Variants in ZNF644 observed in about 807,000 individuals in gnomAD.
ZNF644 encodes zinc finger motif enhancer binding protein 2.
In ZNF644, 20 loss-of-function variants were observed where a neutral mutation model predicts 108.0. The observed-to-expected ratio is 0.19, with a 90% CI of 0.13 to 0.27. The LOEUF is 0.27. Among genes scored for constraint, ZNF644 ranks in the 10% least tolerant of loss-of-function variants. ZNF644 has a pLI of 1.00. For synonymous variants in ZNF644, 542 were observed against 539.1 expected (o/e 1.01, Z -0.08); for missense variants, 1,338 against 1,548.9 (o/e 0.86, Z 2.29).
intron 1 of ZNF644, among the ~76,000 whole-genome samples, chr1:90,991,676 G>A (rs1199964802): frequency 6.6e-6 from 1 of 152,118 alleles, no homozygotes; most frequent in African/African-American, 2.4e-5. Context: ...AAGAGTGAAG[G>A]GGGGGAAGTG....
intron 2 of ZNF644, among the ~76,000 whole-genome samples, chr1:90,965,667 C>CAA (rs1464751948): frequency 1.3e-5 from 2 of 151,990 alleles, no homozygotes; most frequent in Non-Finnish European, 2.9e-5. Flanking sequence ...ATGTTATCAG[C>CAA]AAAAAAGGAC....
Position 90,916,507 on chromosome 1 carries a change from T to A in ZNF644, c.*291A>T, listed in dbSNP as rs1648776475. Reference sequence around the variant, plus strand: ...TGTCCAATAAGTCTGTCTATAAGTATCCATGTGCAACAGTTTATTAATGGC... The same window carrying A: ...TGTCCAATAAGTCTGTCTATAAGTAACCATGTGCAACAGTTTATTAATGGC... On this transcript the variant is annotated 3_prime_UTR_variant, in exon 6 of 6. Coordinates refer to ENST00000337393, the MANE Select transcript of ZNF644 (RefSeq NM_201269.3). 1 of 401,782 alleles carries A rather than the reference T, an allele frequency of 2.5e-6. No homozygotes were observed. Among genetic ancestry groups the A allele is most frequent in the Non-Finnish European group, 4.6e-6 (1 of 217,786 alleles). 24.9% of individuals were successfully genotyped at this position (401,782 alleles called of 1,614,324 possible).
At chr1:90,966,075 A>T (rs1654842607) in intron 2 of ZNF644, among the ~76,000 whole-genome samples, 1 of 151,960 alleles carries the variant, frequency 6.6e-6, no homozygotes, top group East Asian at 1.9e-4. Flanking sequence ...CAATGTACTC[A>T]TATTGGCCTT....
intron 2 of ZNF644, among the ~76,000 whole-genome samples, chr1:90,941,551 T>C (rs1570389049): frequency 6.6e-6 from 1 of 152,172 alleles, no homozygotes; most frequent in East Asian, 1.9e-4. Flanking sequence ...GTATACAAAA[T>C]GTCTAGGGAA....
chr1:90,929,397 G>C (rs2100853477), intron 4 of ZNF644, among the ~76,000 whole-genome samples: 1 of 152,252 alleles, frequency 6.6e-6, no homozygotes, highest in Admixed American at 6.5e-5. Flanking sequence ...ACCCTCCTCA[G>C]CCCAGTCTGG....
chr1:90,949,504 C>T (rs1652865944), intron 2 of ZNF644, among the ~76,000 whole-genome samples: 1 of 152,066 alleles, frequency 6.6e-6, no homozygotes, highest in Admixed American at 6.6e-5. Context: ...TATTAGTGTG[C>T]TTCTCTCTCA....
intron 2 of ZNF644, among the ~76,000 whole-genome samples, chr1:90,976,960 A>G (rs371298740): frequency 5.9e-5 from 9 of 152,286 alleles, no homozygotes; most frequent in African/African-American, 2.2e-4. Flanking sequence ...AGAGAAATCC[A>G]TCACAGAAAC....
At chr1:91,006,396 A>C (rs1659420730) in intron 1 of ZNF644, among the ~76,000 whole-genome samples, 1 of 152,112 alleles carries the variant, frequency 6.6e-6, no homozygotes, top group Non-Finnish European at 1.5e-5. Flanking sequence ...GCAACAGAGC[A>C]AGACTCTGTC....
At chr1:90,958,596 A>C (rs1169069928) in intron 2 of ZNF644, among the ~76,000 whole-genome samples, 2 of 152,188 alleles carry the variant, frequency 1.3e-5, no homozygotes, top group African/African-American at 4.8e-5. Context: ...ATAGTAATCA[A>C]TGTGGCAGTA....
At chr1:90,951,081 T>C (rs907800651) in intron 2 of ZNF644, among the ~76,000 whole-genome samples, 1 of 152,166 alleles carries the variant, frequency 6.6e-6, no homozygotes, top group Non-Finnish European at 1.5e-5. Flanking sequence ...CAGGAATTCC[T>C]ACTGCTATTA....
intron 4 of ZNF644, among the ~76,000 whole-genome samples, chr1:90,930,013 G>A (rs1443219614): frequency 6.6e-6 from 1 of 152,242 alleles, no homozygotes; most frequent in African/African-American, 2.4e-5. Flanking sequence ...TGGGCTGGGT[G>A]CAGTGGCTCA....
At chr1:90,949,879 T>A (rs1652904314) in intron 2 of ZNF644, among the ~76,000 whole-genome samples, 1 of 152,178 alleles carries the variant, frequency 6.6e-6, no homozygotes, top group Non-Finnish European at 1.5e-5. Context: ...TAAATTTGCG[T>A]GTTTTTAGCA....
chr1:90,918,363 G>A (rs1649046860), intron 4 of ZNF644: 3 of 565,108 alleles, frequency 5.3e-6, no homozygotes, highest in African/African-American at 1.9e-5. Context: ...TATCTGTACT[G>A]AAGAATACTA....
intron 4 of ZNF644, among the ~76,000 whole-genome samples, chr1:90,936,536 G>T (rs550885144): frequency 6.6e-6 from 1 of 152,172 alleles, no homozygotes; most frequent in South Asian, 2.1e-4. Flanking sequence ...CACAATGTCT[G>T]CCCCAAAGCA....
chr1:90,918,907 G>A (rs1184789932), intron 4 of ZNF644, among the ~76,000 whole-genome samples: 1 of 151,624 alleles, frequency 6.6e-6, no homozygotes, highest in East Asian at 1.9e-4. Flanking sequence ...GATGTTTAAT[G>A]CTAACTATTC....
At chr1:90,934,608 A>T (rs1651120555) in intron 4 of ZNF644, among the ~76,000 whole-genome samples, 1 of 152,248 alleles carries the variant, frequency 6.6e-6, no homozygotes, top group African/African-American at 2.4e-5. Flanking sequence ...AAATTTTCAC[A>T]GATGAGCAGT....
At chr1:90,948,887 T>G (rs1652799363) in intron 2 of ZNF644, among the ~76,000 whole-genome samples, 1 of 152,216 alleles carries the variant, frequency 6.6e-6, no homozygotes, top group Non-Finnish European at 1.5e-5. Flanking sequence ...GGTTCACAGA[T>G]TTTATTTAAT....
intron 1 of ZNF644, among the ~76,000 whole-genome samples, chr1:90,993,849 G>A (rs1470702258): frequency 6.6e-6 from 1 of 152,094 alleles, no homozygotes; most frequent in African/African-American, 2.4e-5. Context: ...AATTTTTCAG[G>A]ACACTCCAAA....
chr1:90,941,333 T>C lies in ZNF644; in HGVS notation c.45-24A>G, dbSNP rs1158512088. The C allele has an allele frequency of 3.8e-6, 6 of 1,586,322 alleles. No individual in the cohort carries two copies. The African/African-American group carries it at 5.5e-5, about 14-fold the overall frequency. On this transcript the variant is annotated intron_variant, in intron 2 of 5. Coordinates refer to ENST00000337393, the MANE Select transcript of ZNF644 (RefSeq NM_201269.3). Reference sequence around the variant, plus strand: ...GTCTAGAAAATGGAAAAAAAAAATTTAGATTTGCATGAAAGAAAAAATACT... The same window carrying C: ...GTCTAGAAAATGGAAAAAAAAAATTCAGATTTGCATGAAAGAAAAAATACT...
Sources: allele counts gnomAD v4.1 joint callset (sites outside exome capture counted in the v4.1 genomes callset), GRCh38; gene constraint gnomAD v4.1.1; transcripts MANE v1.5; gene names NCBI Gene and HGNC (gene_info 2026-07-23, HGNC 2026-07-21).